ZNF544: variants seen among roughly 807,000 people sequenced by gnomAD.
ZNF544 encodes the protein zinc finger protein AF020591.
A neutral mutation model predicts 13.5 loss-of-function variants in ZNF544; 10 were observed. The ratio of observed to expected loss-of-function variants is 0.74; its 90% CI spans 0.46 to 1.25. ZNF544 has a LOEUF of 1.25. Among genes scored for constraint, ZNF544 ranks in the 50% most tolerant of loss-of-function variants. ZNF544 has a pLI of 0.00. For synonymous variants in ZNF544, 323 were observed against 300.5 expected (o/e 1.07, Z -0.77); for missense variants, 896 against 845.6 (o/e 1.06, Z -0.74).
chr19:58,238,079 T>A (rs1412390519), intron 3 of ZNF544, among the ~76,000 whole-genome samples: 1 of 152,206 alleles, frequency 6.6e-6, no homozygotes, highest in Non-Finnish European at 1.5e-5. Context: ...ATTACAGACG[T>A]GCACCACCAC....
At chr19:58,273,291 T>G (rs897566869) in intron 5 of ZNF544, among the ~76,000 whole-genome samples, 1 of 152,224 alleles carries the variant, frequency 6.6e-6, no homozygotes, top group Admixed American at 6.5e-5. Flanking sequence ...AGAATATATA[T>G]GAAACAGCTA....
At chr19:58,259,560 G>A (rs1052900884) in intron 6 of ZNF544, 1 of 152,192 alleles carries the variant, frequency 6.6e-6, no homozygotes, top group Non-Finnish European at 1.5e-5. Flanking sequence ...CCCTCTGGAT[G>A]CTCCAAATGG....
intron 3 of ZNF544, among the ~76,000 whole-genome samples, chr19:58,239,231 G>A (rs140598055): frequency 2.3e-4 from 35 of 152,192 alleles, no homozygotes; most frequent in Admixed American, 5.2e-4. Context: ...TCAGCATTTG[G>A]GGCCAGATCA....
intron 3 of ZNF544, among the ~76,000 whole-genome samples, chr19:58,243,403 G>A (rs1374471064): frequency 6.6e-6 from 1 of 151,486 alleles, no homozygotes; most frequent in Non-Finnish European, 1.5e-5. Flanking sequence ...CTGCTGCAAG[G>A]GGATTAGACA....
intron 3 of ZNF544, among the ~76,000 whole-genome samples, chr19:58,232,827 G>A (rs1325544186): frequency 6.7e-6 from 1 of 149,462 alleles, no homozygotes; most frequent in East Asian, 2.0e-4. Flanking sequence ...GGAGCCTGTA[G>A]TCCCAGCTAC....
At chr19:58,239,569 TCA>T (rs2043130811) in intron 3 of ZNF544, among the ~76,000 whole-genome samples, 1 of 152,142 alleles carries the variant, frequency 6.6e-6, no homozygotes, top group African/African-American at 2.4e-5. Context: ...GCTCTTATAT[TCA>T]CAGTTACAGT....
intron 6 of ZNF544, among the ~76,000 whole-genome samples, chr19:58,248,291 T>C (rs1416062105): frequency 1.3e-5 from 2 of 149,316 alleles, no homozygotes; most frequent in Non-Finnish European, 3.0e-5. Context: ...TTTTTTTTTT[T>C]TGAGACAGTG....
At chr19:58,275,783 C>CCAAAAAA (rs1392000258) in intron 5 of ZNF544, among the ~76,000 whole-genome samples, 15 of 66,222 alleles carry the variant, frequency 2.3e-4, no homozygotes, top group Non-Finnish European at 3.3e-4. Context: ...GACCCTGTCT[C>CCAAAAAA]AAAAAAAAAA....
At chr19:58,242,454 T>C (rs973027003) in intron 3 of ZNF544, 1 of 184,720 alleles carries the variant, frequency 5.4e-6, no homozygotes, top group African/African-American at 2.4e-5. Context: ...GGGAGAATGA[T>C]AAGTGTTCAG....
intron 5 of ZNF544, among the ~76,000 whole-genome samples, chr19:58,275,858 G>A (rs1420084838): frequency 2.7e-5 from 4 of 150,718 alleles, no homozygotes; most frequent in Non-Finnish European, 5.9e-5. Context: ...TTAGAACTAG[G>A]AGGAAAGCTG....
At chr19:58,238,549 C>T (rs1050282719) in intron 3 of ZNF544, among the ~76,000 whole-genome samples, 1 of 152,244 alleles carries the variant, frequency 6.6e-6, no homozygotes, top group African/African-American at 2.4e-5. Context: ...GGAAGGACTT[C>T]CCCTCTCACT....
intron 5 of ZNF544, chr19:58,276,209 C>A: frequency 4.4e-6 from 2 of 453,552 alleles, no homozygotes; most frequent in Non-Finnish European, 7.2e-6. Context: ...AAAGAACACA[C>A]AGGTTTCCCC....
chr19:58,233,799 TCTC>T (rs929101329), intron 3 of ZNF544, among the ~76,000 whole-genome samples: 9 of 152,302 alleles, frequency 5.9e-5, no homozygotes, highest in African/African-American at 2.2e-4. Context: ...CCCAGTATCT[TCTC>T]TGGGCTTCAG....
chr19:58,271,086 C>T (rs760811404), intron 5 of ZNF544, among the ~76,000 whole-genome samples: 1 of 151,784 alleles, frequency 6.6e-6, no homozygotes, highest in Non-Finnish European at 1.5e-5. Context: ...GTGGTGGGCA[C>T]CTGTAATCCC....
intron 5 of ZNF544, among the ~76,000 whole-genome samples, chr19:58,270,901 C>G (rs997679197): frequency 3.3e-5 from 5 of 152,112 alleles, no homozygotes; most frequent in Non-Finnish European, 5.9e-5. Flanking sequence ...CCTGTCAGAG[C>G]AGGAAGTTAG....
chr19:58,229,091 A>C (rs1257307328), intron 1 of ZNF544, 145 bp downstream of exon 1: 1 of 152,516 alleles, frequency 6.6e-6, no homozygotes, highest in Non-Finnish European at 1.5e-5. Context: ...TCATGCGGCG[A>C]GGCCGAGCAA....
At chr19:58,237,227 C>G (rs2071783987) in intron 3 of ZNF544, among the ~76,000 whole-genome samples, 1 of 152,078 alleles carries the variant, frequency 6.6e-6, no homozygotes, top group South Asian at 2.1e-4. Flanking sequence ...CCACACCTGG[C>G]TAATTTTTGT....
intron 3 of ZNF544, among the ~76,000 whole-genome samples, chr19:58,239,088 G>T (rs745501492): frequency 5.9e-5 from 9 of 152,144 alleles, no homozygotes; most frequent in Non-Finnish European, 1.2e-4. Flanking sequence ...AGGGCTGGGT[G>T]CTCTGTGGCT....
downstream of ZNF544, among the ~76,000 whole-genome samples, chr19:58,265,444 C>T (rs1414015693): frequency 2.0e-5 from 3 of 151,928 alleles, no homozygotes; most frequent in Non-Finnish European, 2.9e-5. Context: ...TACAGGCACC[C>T]GTCACCACGT....
Sources: gnomAD v4.1 joint callset for allele counts (sites outside exome capture counted in the v4.1 genomes callset) on GRCh38, gnomAD v4.1.1 for gene constraint, MANE v1.5 for transcripts, NCBI Gene and HGNC (gene_info 2026-07-23, HGNC 2026-07-21) for gene names.